RPRD1B: variants seen among roughly 807,000 people sequenced by gnomAD.
The protein encoded by RPRD1B is regulation of nuclear pre-mRNA domain containing 1B.
In RPRD1B, 11 loss-of-function variants were observed where a neutral mutation model predicts 41.5. The ratio of observed to expected loss-of-function variants is 0.27; its 90% CI spans 0.17 to 0.44. The LOEUF is 0.44. Among genes scored for constraint, RPRD1B ranks in the 20% least tolerant of loss-of-function variants. The pLI is 1.00. For synonymous variants in RPRD1B, 158 were observed against 155.6 expected (o/e 1.02, Z -0.12); for missense variants, 248 against 389.9 (o/e 0.64, Z 3.06).
At chr20:38,047,476 T>C (rs538459856) in intron 2 of RPRD1B, among the ~76,000 whole-genome samples, 7 of 152,240 alleles carry the variant, frequency 4.6e-5, no homozygotes, top group African/African-American at 1.7e-4. Context: ...GAGGTATCCC[T>C]TCTTGTTTAA....
chr20:38,065,923 T>C (rs1485227721), intron 5 of RPRD1B, 158 bp from the exon 6 acceptor site: 1 of 656,798 alleles, frequency 1.5e-6, no homozygotes, highest in Admixed American at 3.0e-5. Context: ...TGCCTTTGGA[T>C]TTCTTGCTTA....
At chr20:38,037,338 T>C (rs766301527) in intron 1 of RPRD1B, among the ~76,000 whole-genome samples, 7 of 152,198 alleles carry the variant, frequency 4.6e-5, no homozygotes, top group Non-Finnish European at 7.3e-5. Flanking sequence ...TATCTTGGCC[T>C]GAATGTAGGT....
At chr20:38,087,570 G>A (rs1439777713) in intron 6 of RPRD1B, among the ~76,000 whole-genome samples, 2 of 152,182 alleles carry the variant, frequency 1.3e-5, no homozygotes, top group Non-Finnish European at 2.9e-5. Context: ...CAGGAAGTCC[G>A]TGTTCTGTAG....
At position 38,089,746 on chromosome 20, in the gene RPRD1B, A is replaced by T; in HGVS notation, c.852A>T (p.Ala284=). The T allele has an allele frequency of 1.2e-6, 2 of 1,614,116 alleles. No individual in the cohort carries two copies. The highest frequency in any genetic ancestry group is 1.7e-6 in the Non-Finnish European group (2 of 1,180,010). ...CTTAGGAATACAAACAGAAGCTTGC[A>T]CGAGTAACCCAGGTCCGCAAGGAAC... ...KKLEEYKQKL[A]RVTQVRKELK... is the part of the protein sequence containing the mutation. Residue 284 remains alanine (A), a synonymous_variant, in exon 7 of 7, where the codon GCA becomes GCT. Coordinates refer to ENST00000373433, the MANE Select transcript of RPRD1B (RefSeq NM_021215.4).
intron 6 of RPRD1B, chr20:38,070,697 A>G: frequency 2.0e-6 from 2 of 985,234 alleles, no homozygotes; most frequent in South Asian, 9.4e-5. Context: ...TTAAGGAAAG[A>G]AAAAAGGTCA....
intron 1 of RPRD1B, among the ~76,000 whole-genome samples, chr20:38,035,425 T>TA (rs1469577275): frequency 1.3e-5 from 2 of 152,202 alleles, no homozygotes; most frequent in Non-Finnish European, 2.9e-5. Context: ...CTGAAGTGGC[T>TA]AAGTGGTATT....
intron 1 of RPRD1B, among the ~76,000 whole-genome samples, chr20:38,037,390 A>G (rs1330593135): frequency 6.6e-6 from 1 of 152,206 alleles, no homozygotes; most frequent in Non-Finnish European, 1.5e-5. Context: ...CTTTCTGTAG[A>G]TGTCAAAACC....
At chr20:38,069,289 CAT>C (rs752519833) in intron 6 of RPRD1B, among the ~76,000 whole-genome samples, 2 of 152,054 alleles carry the variant, frequency 1.3e-5, no homozygotes, top group African/African-American at 4.8e-5. Flanking sequence ...TCGAGGAAAT[CAT>C]ATTCTGGTAT....
chr20:38,044,093 T>A (rs907148022), intron 2 of RPRD1B, among the ~76,000 whole-genome samples: 11 of 152,166 alleles, frequency 7.2e-5, no homozygotes, highest in Non-Finnish European at 1.3e-4. Context: ...TGGCAGTGAT[T>A]CATTACAGCT....
At chr20:38,084,849 A>G (rs2074545868) in intron 6 of RPRD1B, among the ~76,000 whole-genome samples, 2 of 152,310 alleles carry the variant, frequency 1.3e-5, no homozygotes, top group Admixed American at 1.3e-4. Context: ...CATTGTAAAC[A>G]TTTCTTGGCA....
At chr20:38,086,255 T>C (rs1002714906) in intron 6 of RPRD1B, among the ~76,000 whole-genome samples, 4 of 152,236 alleles carry the variant, frequency 2.6e-5, no homozygotes, top group African/African-American at 9.6e-5. Flanking sequence ...TTTAGTGGAC[T>C]ATAAAAATTA....
chr20:38,082,968 C>CA (rs1026449361), intron 6 of RPRD1B, among the ~76,000 whole-genome samples: 4 of 152,126 alleles, frequency 2.6e-5, no homozygotes, highest in Admixed American at 6.5e-5. Flanking sequence ...AGCACACACA[C>CA]AAAAAAATTT....
At position 38,090,402 on chromosome 20, in the gene RPRD1B, A is replaced by G; in HGVS notation, c.*527A>G. 1.0e-6 allele frequency: 1 copy of G among 986,130 alleles called. No individual in the cohort carries two copies. Among genetic ancestry groups the G allele is most frequent in the Non-Finnish European group, 1.2e-6 (1 of 830,144 alleles). The allele number at this position is 986,130 out of a possible 1,614,324, so 61.1% of individuals were successfully genotyped here. On this transcript the variant is annotated 3_prime_UTR_variant, in exon 7 of 7. Coordinates refer to ENST00000373433, the MANE Select transcript of RPRD1B (RefSeq NM_021215.4). ...TAGCGTTGCCATAAAGAGTTTGCCA[A>G]ATCTCTGATCCTCCCTTTCCATTGC...
chr20:38,087,738 G>C (rs1168612374), intron 6 of RPRD1B, among the ~76,000 whole-genome samples: 1 of 152,154 alleles, frequency 6.6e-6, no homozygotes, highest in Non-Finnish European at 1.5e-5. Context: ...GGGAGAAAGG[G>C]GGTTCAGATC....
At chr20:38,036,249 G>T (rs1329365088) in intron 1 of RPRD1B, among the ~76,000 whole-genome samples, 1 of 152,160 alleles carries the variant, frequency 6.6e-6, no homozygotes, top group African/African-American at 2.4e-5. Flanking sequence ...GATGATAAAG[G>T]TATAGAGGGA....
intron 1 of RPRD1B, among the ~76,000 whole-genome samples, chr20:38,038,026 G>A (rs1240357602): frequency 6.6e-6 from 1 of 152,130 alleles, no homozygotes; most frequent in African/African-American, 2.4e-5. Context: ...TAACAAAAAA[G>A]CACGTTTTGC....
In RPRD1B at chr20:38,062,058, AC is replaced by A. The variant is rs147643693; in HGVS notation, c.655+2540del. Among the ~76,000 whole-genome samples, 446 of 152,334 alleles carry A rather than the reference AC, an allele frequency of 2.9e-3. 4 individuals are homozygous for A. The highest frequency in any genetic ancestry group is 0.01 in the African/African-American group (418 of 41,588). The stretch of plus-strand genomic sequence containing the variant: ...AGAGGGGGAATGAGAAGGAGGTATT[AC>A]CGTGGAAGCAGAGGTTGGAGCGATG... On this transcript the variant is annotated intron_variant, in intron 5 of 6. Coordinates refer to ENST00000373433, the MANE Select transcript of RPRD1B (RefSeq NM_021215.4).
At chr20:38,036,474 G>A (rs1327448615) in intron 1 of RPRD1B, among the ~76,000 whole-genome samples, 2 of 152,164 alleles carry the variant, frequency 1.3e-5, no homozygotes, top group Non-Finnish European at 2.9e-5. Context: ...GTTCCTACTA[G>A]CTGTTCATTT....
At chr20:38,063,068 A>G (rs2074316468) in intron 5 of RPRD1B, among the ~76,000 whole-genome samples, 1 of 151,754 alleles carries the variant, frequency 6.6e-6, no homozygotes, top group Non-Finnish European at 1.5e-5. Flanking sequence ...CTCACTGCTC[A>G]AGTCATATGG....
Sources: allele counts gnomAD v4.1 joint callset (sites outside exome capture counted in the v4.1 genomes callset), GRCh38; gene constraint gnomAD v4.1.1; transcripts MANE v1.5; gene names NCBI Gene and HGNC (gene_info 2026-07-23, HGNC 2026-07-21).